Variants in ARL4A observed in about 807,000 individuals in gnomAD.
ARL4A encodes the protein ADP-ribosylation factor-like protein 4A.
In ARL4A, 5 loss-of-function variants were observed where a neutral mutation model predicts 13.9. The observed-to-expected ratio is 0.36, with a 90% CI of 0.19 to 0.75. The LOEUF is 0.75. Among genes scored for constraint, ARL4A ranks in the 30% least tolerant of loss-of-function variants. ARL4A has a pLI of 0.53. For synonymous variants in ARL4A, 77 were observed against 84.4 expected, an observed-to-expected ratio of 0.91 and a Z score of 0.48; for missense variants, 147 against 225.8, an observed-to-expected ratio of 0.65 and a Z score of 2.24.
chr7:12,686,934 G>C (rs117002576), upstream of ARL4A: 1 of 151,924 alleles, frequency 6.6e-6, no homozygotes, highest in South Asian at 2.1e-4. Flanking sequence ...CAGGCGCCCA[G>C]TCCTCTGCCA....
chr7:12,687,756 T>G lies in ARL4A; in HGVS notation c.-90+28T>G. On this transcript the variant is annotated intron_variant, in intron 1 of 1. Transcript: ENST00000651779. The surrounding 1 kb of genome is among the most constrained non-coding windows in gnomAD (Gnocchi z 5.6). ...GAGAACGTTGTTATTTTGCAAGGGG[T>G]AGGAGGTAATAGTGATCTTGGGTAT... 6.5e-6 allele frequency: 1 copy of G among 153,892 alleles called. No homozygotes were observed. The highest frequency in any genetic ancestry group is 1.5e-5 in the Non-Finnish European group (1 of 68,952). The allele number at this position is 153,892 out of a possible 1,614,324, so 9.5% of individuals were successfully genotyped here. A position where few individuals can be genotyped will look rare whatever the true frequency, so the allele number is the denominator to read the frequency against.
rs763185942 is a variant in ARL4A at position 12,688,295 on chromosome 7, A to T, written c.41A>T (p.Asn14Ile). ...GLSDQTSILS[N>I]LPSFQSFHIV... ...TCAGACCAGACTTCTATCCTGTCCA[A>T]CCTGCCTTCATTTCAGTCTTTCCAC... Residue 14 changes from asparagine (N) to isoleucine (I), a missense_variant, in exon 2 of 2, where the codon AAC becomes ATC. By Grantham distance (149) the Asn-to-Ile change is moderately radical. Coordinates refer to ENST00000651779, the MANE Select transcript of ARL4A (RefSeq NM_005738.5). The surrounding 1 kb of genome is among the most constrained non-coding windows in gnomAD (Gnocchi z 5.2). 4 of 1,612,342 alleles carry T rather than the reference A, an allele frequency of 2.5e-6. No individual in the cohort carries two copies. Among genetic ancestry groups the T allele is most frequent in the Admixed American group, 3.3e-5 (2 of 59,882 alleles).
In ARL4A at chr7:12,689,829, A is replaced by G. The variant is rs1245161523; in HGVS notation, c.*972A>G. 4 of 166,838 alleles carry G rather than the reference A, an allele frequency of 2.4e-5. 1 individual carries two copies. Among genetic ancestry groups the G allele is most frequent in the Admixed American group, 1.3e-4 (2 of 15,286 alleles). The allele number at this position is 166,838 out of a possible 1,614,324, so 10.3% of individuals were successfully genotyped here. The stretch of plus-strand genomic sequence containing the variant: ...TTTGTTTTATTAATATTTGCTGGCT[A>G]AAAACAAATGTGGTTTTTATATATT... On this transcript the variant is annotated 3_prime_UTR_variant, in exon 2 of 2. Coordinates refer to ENST00000651779, the MANE Select transcript of ARL4A (RefSeq NM_005738.5).
In ARL4A at chr7:12,688,137, A is replaced by G. The variant is rs2115331440; in HGVS notation, c.-89-29A>G. 3.5e-6 allele frequency: 5 copies of G among 1,410,730 alleles called. No homozygotes were observed. The highest frequency in any genetic ancestry group is 3.8e-6 in the Non-Finnish European group (4 of 1,045,228). The allele number at this position is 1,410,730 out of a possible 1,614,324, so 87.4% of individuals were successfully genotyped here. A position where few individuals can be genotyped will look rare whatever the true frequency, so the allele number is the denominator to read the frequency against. Reference sequence around the variant, plus strand: ...CTGTTTTAATGTATTATTTCGGGAGAATAACTTATTCCTTCTTCCGTCTCC... The same window carrying G: ...CTGTTTTAATGTATTATTTCGGGAGGATAACTTATTCCTTCTTCCGTCTCC... On this transcript the variant is annotated intron_variant, in intron 1 of 1. Transcript: ENST00000651779. This position sits in a 1 kb window ranked among gnomAD's most constrained non-coding sequence, Gnocchi z 5.2.
At position 12,688,230 on chromosome 7, in the gene ARL4A, T is replaced by C; in HGVS notation, c.-25T>C. The C allele has an allele frequency of 3.3e-6, 5 of 1,535,638 alleles. No individual in the cohort carries two copies. Among genetic ancestry groups the C allele is most frequent in the Non-Finnish European group, 4.4e-6 (5 of 1,143,694 alleles). On this transcript the variant is annotated 5_prime_UTR_variant, in exon 2 of 2. Transcript: ENST00000651779. The surrounding 1 kb of genome is among the most constrained non-coding windows in gnomAD (Gnocchi z 5.2). ...ACCAAGAAGAGAAAAGCATTTCAAT[T>C]TGGGACATTTATTTGCACCTGGAAA...
At position 12,688,211 on chromosome 7, in the gene ARL4A, A is replaced by T; in HGVS notation, c.-44A>T. On this transcript the variant is annotated 5_prime_UTR_variant, in exon 2 of 2. Transcript: ENST00000651779. This position sits in a 1 kb window ranked among gnomAD's most constrained non-coding sequence, Gnocchi z 5.2. The stretch of plus-strand genomic sequence containing the variant: ...CTACCAAGAGAAGTTGTAAACCAAG[A>T]AGAGAAAAGCATTTCAATTTGGGAC... 2 of 1,525,500 alleles carry T rather than the reference A, an allele frequency of 1.3e-6. No homozygotes were observed. The highest frequency in any genetic ancestry group is 1.8e-6 in the Non-Finnish European group (2 of 1,138,786). 94.5% of individuals were successfully genotyped at this position (1,525,500 alleles called of 1,614,324 possible).
chr7:12,690,084 A>G lies in ARL4A; in HGVS notation c.*1227A>G, dbSNP rs543521941. On this transcript the variant is annotated 3_prime_UTR_variant, in exon 2 of 2. Coordinates refer to ENST00000651779, the MANE Select transcript of ARL4A (RefSeq NM_005738.5). ...GAGGGGAAAATAACAAACCTGTTTT[A>G]TGAAAATTCACTGGTGCTGTTTACA... The G allele has an allele frequency of 1.2e-5, 2 of 167,164 alleles. No individual in the cohort carries two copies. Among genetic ancestry groups the G allele is most frequent in the African/African-American group, 4.8e-5 (2 of 41,590 alleles). 10.4% of individuals were successfully genotyped at this position (167,164 alleles called of 1,614,324 possible).
Position 12,688,293 on chromosome 7 carries a change from C to G in ARL4A, c.39C>G (p.Ser13=), listed in dbSNP as rs1185843940. 1.9e-6 allele frequency: 3 copies of G among 1,611,598 alleles called. No individual in the cohort carries two copies. The African/African-American group carries it at 4.0e-5, about 22-fold the overall frequency. Residue 13 remains serine (S), a synonymous_variant, in exon 2 of 2, where the codon TCC becomes TCG. Transcript: ENST00000651779. This position sits in a 1 kb window ranked among gnomAD's most constrained non-coding sequence, Gnocchi z 5.2. The part of the protein sequence containing the change: ...NGLSDQTSIL[S]NLPSFQSFHI... Reference sequence around the variant, plus strand: ...TGTCAGACCAGACTTCTATCCTGTCCAACCTGCCTTCATTTCAGTCTTTCC... The same window carrying G: ...TGTCAGACCAGACTTCTATCCTGTCGAACCTGCCTTCATTTCAGTCTTTCC...
rs1202817293 is a variant in ARL4A at position 12,690,813 on chromosome 7, C to T, written c.*1956C>T. 1 of 166,886 alleles carries T rather than the reference C, an allele frequency of 6.0e-6. No individual in the cohort carries two copies. Among genetic ancestry groups the T allele is most frequent in the African/African-American group, 2.4e-5 (1 of 41,418 alleles). 10.3% of individuals were successfully genotyped at this position (166,886 alleles called of 1,614,324 possible). ...GTGCTGTTTTTAAGTATTTCAAAAG[C>T]TTGTGTGTTGACCCTTTGTAGCCTA... is the stretch of plus-strand genomic sequence containing the variant. On this transcript the variant is annotated 3_prime_UTR_variant, in exon 2 of 2. Coordinates refer to ENST00000651779, the MANE Select transcript of ARL4A (RefSeq NM_005738.5).
rs878990467 is a variant in ARL4A at position 12,690,763 on chromosome 7, TTCTG to T, written c.*1910_*1913del. The T allele has an allele frequency of 4.2e-5, 7 of 166,812 alleles. No homozygotes were observed. In the South Asian group the frequency reaches 6.2e-4, roughly 15 times the overall value. 10.3% of individuals were successfully genotyped at this position (166,812 alleles called of 1,614,324 possible). ...TTAGATTTACCAGTTTGCCTGTACT[TTCTG>T]TCTACCTACTATGTAAAATAGTGCT... On this transcript the variant is annotated 3_prime_UTR_variant, in exon 2 of 2. Coordinates refer to ENST00000651779, the MANE Select transcript of ARL4A (RefSeq NM_005738.5).
At position 12,688,874 on chromosome 7, in the gene ARL4A, T is replaced by C. The variant is rs1562654961; in HGVS notation, c.*17T>C. The C allele has an allele frequency of 1.9e-6, 3 of 1,588,388 alleles. No individual in the cohort carries two copies. The highest frequency in any genetic ancestry group is 8.6e-7 in the Non-Finnish European group (1 of 1,168,354). ...AAAAGATGAATATCAATACCTATTA[T>C]ATCTGTGTGGAGTAGGTTTTCTCTG... is the stretch of plus-strand genomic sequence containing the variant. On this transcript the variant is annotated 3_prime_UTR_variant, in exon 2 of 2. Coordinates refer to ENST00000651779, the MANE Select transcript of ARL4A (RefSeq NM_005738.5). The surrounding 1 kb of genome is among the most constrained non-coding windows in gnomAD (Gnocchi z 5.2).
chr7:12,687,047 A>AGCCGCGGCGGGGTGGGCG (rs1784530431), upstream of ARL4A: 1 of 152,570 alleles, frequency 6.6e-6, no homozygotes, highest in African/African-American at 2.4e-5. The surrounding 1 kb of genome is among the most constrained non-coding windows in gnomAD (Gnocchi z 5.6). Flanking sequence ...TAGTCAGGTG[A>AGCCGCGGCGGGGTGGGCG]GCCGCGGCGG....
At chr7:12,687,222 C>T (rs1293304607), upstream of ARL4A, 3 of 152,134 alleles carry the variant, frequency 2.0e-5, no homozygotes, top group African/African-American at 7.2e-5. The surrounding 1 kb of genome is among the most constrained non-coding windows in gnomAD (Gnocchi z 5.6). Context: ...AGCCGGCACC[C>T]TCGGGCCCGC....
In ARL4A at chr7:12,688,112, C is replaced by T; in HGVS notation, c.-89-54C>T. ...TTTATTTTAGCAAAGTAGAGCAAACCTGTTTTAATGTATTATTTCGGGAGA... is the reference window on the plus strand; with the variant it reads ...TTTATTTTAGCAAAGTAGAGCAAACTTGTTTTAATGTATTATTTCGGGAGA... On this transcript the variant is annotated intron_variant, in intron 1 of 1. Transcript: ENST00000651779. The surrounding 1 kb of genome is among the most constrained non-coding windows in gnomAD (Gnocchi z 5.2). 7.9e-7 allele frequency: 1 copy of T among 1,266,400 alleles called. No individual in the cohort carries two copies. Among genetic ancestry groups the T allele is most frequent in the East Asian group, 2.4e-5 (1 of 41,766 alleles). The allele number at this position is 1,266,400 out of a possible 1,614,324, so 78.4% of individuals were successfully genotyped here. A position where few individuals can be genotyped will look rare whatever the true frequency, so the allele number is the denominator to read the frequency against.
chr7:12,688,124 A>T lies in ARL4A; in HGVS notation c.-89-42A>T. The T allele has an allele frequency of 7.4e-7, 1 of 1,347,706 alleles. No homozygotes were observed. The highest frequency in any genetic ancestry group is 1.0e-6 in the Non-Finnish European group (1 of 989,820). 83.5% of individuals were successfully genotyped at this position (1,347,706 alleles called of 1,614,324 possible). On this transcript the variant is annotated intron_variant, in intron 1 of 1. Coordinates refer to ENST00000651779, the MANE Select transcript of ARL4A (RefSeq NM_005738.5). This position sits in a 1 kb window ranked among gnomAD's most constrained non-coding sequence, Gnocchi z 5.2. ...AAGTAGAGCAAACCTGTTTTAATGT[A>T]TTATTTCGGGAGAATAACTTATTCC... is the stretch of plus-strand genomic sequence containing the variant.
Position 12,690,436 on chromosome 7 carries a change from A to G in ARL4A, c.*1579A>G, listed in dbSNP as rs1025208026. 6.0e-6 allele frequency: 1 copy of G among 166,822 alleles called. No homozygotes were observed. Among genetic ancestry groups the G allele is most frequent in the African/African-American group, 2.4e-5 (1 of 41,404 alleles). The allele number at this position is 166,822 out of a possible 1,614,324, so 10.3% of individuals were successfully genotyped here. ...CTAGTGATGGTCACTTAGAATGTTT[A>G]TAGAAATGTGGATAATAACTACCAA... On this transcript the variant is annotated 3_prime_UTR_variant, in exon 2 of 2. Transcript: ENST00000651779.
In ARL4A at chr7:12,688,248, C is replaced by A. The variant is rs1272261462; in HGVS notation, c.-7C>A. ...TTTCAATTTGGGACATTTATTTGCA[C>A]CTGGAAATGGGGAATGGGCTGTCAG... On this transcript the variant is annotated 5_prime_UTR_variant, in exon 2 of 2. Coordinates refer to ENST00000651779, the MANE Select transcript of ARL4A (RefSeq NM_005738.5). This position sits in a 1 kb window ranked among gnomAD's most constrained non-coding sequence, Gnocchi z 5.2. 3 of 1,548,530 alleles carry A rather than the reference C, an allele frequency of 1.9e-6. No individual in the cohort carries two copies. Among genetic ancestry groups the A allele is most frequent in the Admixed American group, 2.1e-5 (1 of 47,672 alleles).
At position 12,690,301 on chromosome 7, in the gene ARL4A, T is replaced by TTTTTTTG. The variant is rs1491211998; in HGVS notation, c.*1450_*1451insGTTTTTT. The TTTTTTTG allele has an allele frequency of 8.0e-5, 4 of 50,264 alleles. No homozygotes were observed. Among genetic ancestry groups the TTTTTTTG allele is most frequent in the Non-Finnish European group, 2.5e-4 (4 of 15,714 alleles). 3.1% of individuals were successfully genotyped at this position (50,264 alleles called of 1,614,324 possible). ...TTTGGCTTTGGGTTTTGTTTTTTTG[T>TTTTTTTG]TTTTTTTTTTTTTCAGTGGCATAAC... On this transcript the variant is annotated 3_prime_UTR_variant, in exon 2 of 2. Coordinates refer to ENST00000651779, the MANE Select transcript of ARL4A (RefSeq NM_005738.5).
upstream of ARL4A, chr7:12,687,049 C>T (rs1312219775): frequency 2.0e-5 from 3 of 152,706 alleles, no homozygotes; most frequent in Non-Finnish European, 4.4e-5. This position sits in a 1 kb window ranked among gnomAD's most constrained non-coding sequence, Gnocchi z 5.6. Flanking sequence ...GTCAGGTGAG[C>T]CGCGGCGGGG....
Sources: gnomAD v4.1 joint callset for allele counts on GRCh38, gnomAD v4.1.1 for gene constraint, Gnocchi (gnomAD v3.1) non-coding constraint, MANE v1.5 for transcripts, NCBI Gene and HGNC (gene_info 2026-07-23, HGNC 2026-07-21) for gene names.